The following METTL15 variants were observed in gnomAD, a reference collection of about 807,000 sequenced individuals.
METTL15 encodes 12S rRNA N(4)-cytidine methyltransferase METTL15.
Under a neutral mutation model 38.3 loss-of-function variants are expected in METTL15, and 34 were observed. That is an observed-to-expected ratio of 0.89 (90% CI 0.68 to 1.18). The LOEUF is 1.18. METTL15 is among the 50% of genes most tolerant of loss of function. METTL15 has a pLI of 0.00. For missense variants in METTL15, 438 were observed against 498.4 expected, an observed-to-expected ratio of 0.88 and a Z score of 1.15; for synonymous variants, 162 against 170.9, an observed-to-expected ratio of 0.95 and a Z score of 0.41.
chr11:28,362,300 T>C (rs867666177), intron 5 of METTL15, among the ~76,000 whole-genome samples: 6 of 152,198 alleles, frequency 3.9e-5, no homozygotes, highest in Non-Finnish European at 8.8e-5. Context: ...TGGGTATCAG[T>C]GAAACATTAA....
intron 3 of METTL15, among the ~76,000 whole-genome samples, chr11:28,194,213 T>C (rs1224647735): frequency 1.5e-4 from 12 of 80,790 alleles, no homozygotes; most frequent in Admixed American, 3.0e-4. Context: ...CTCTCTCTCT[T>C]AATATATGGA....
At chr11:28,454,735 CCTT>C (rs1851153389) in intron 6 of METTL15, among the ~76,000 whole-genome samples, 1 of 152,144 alleles carries the variant, frequency 6.6e-6, no homozygotes, top group African/African-American at 2.4e-5. Context: ...TATATTCTTT[CCTT>C]CTTCTTAAAT....
At chr11:28,440,534 G>A (rs560416659) in intron 6 of METTL15, among the ~76,000 whole-genome samples, 1 of 152,246 alleles carries the variant, frequency 6.6e-6, no homozygotes, top group African/African-American at 2.4e-5. Context: ...CCTAATTGCT[G>A]CATGATTTGA....
intron 6 of METTL15, among the ~76,000 whole-genome samples, chr11:28,443,551 A>G (rs779007523): frequency 1.3e-5 from 2 of 152,100 alleles, no homozygotes; most frequent in Admixed American, 6.5e-5. Context: ...TTCTCACATG[A>G]ATGTCTAACC....
intron 3 of METTL15, among the ~76,000 whole-genome samples, chr11:28,184,882 C>T (rs1389811538): frequency 6.6e-6 from 1 of 151,344 alleles, no homozygotes; most frequent in Admixed American, 6.6e-5. Context: ...AAGCTATTTG[C>T]TATTGCATGT....
intron 3 of METTL15, among the ~76,000 whole-genome samples, chr11:28,188,003 C>T (rs2133796695): frequency 6.6e-6 from 1 of 151,378 alleles, no homozygotes; most frequent in East Asian, 1.9e-4. Flanking sequence ...ACATGTTTCA[C>T]CACTAGCCAT....
At chr11:28,130,140 A>G (rs1209120841) in intron 3 of METTL15, among the ~76,000 whole-genome samples, 1 of 152,034 alleles carries the variant, frequency 6.6e-6, no homozygotes, top group Non-Finnish European at 1.5e-5. Flanking sequence ...TGAGACCCCC[A>G]TCTCTACAAA....
At chr11:28,454,224 G>T (rs1028298488) in intron 6 of METTL15, among the ~76,000 whole-genome samples, 4 of 152,202 alleles carry the variant, frequency 2.6e-5, no homozygotes, top group African/African-American at 7.2e-5. Context: ...AGCTTTACTG[G>T]TATTATGGTG....
intron 6 of METTL15, among the ~76,000 whole-genome samples, chr11:28,515,910 C>G (rs1349245410): frequency 6.6e-5 from 10 of 152,204 alleles, no homozygotes; most frequent in Non-Finnish European, 1.5e-5. Context: ...AGCCTCTTCT[C>G]AGAAATATCT....
downstream of METTL15, among the ~76,000 whole-genome samples, chr11:28,528,079 A>G (rs1319572263): frequency 6.6e-6 from 1 of 152,190 alleles, no homozygotes; most frequent in South Asian, 2.1e-4. Context: ...CCTATTTCCC[A>G]TTCTCTGCCT....
intron 6 of METTL15, among the ~76,000 whole-genome samples, chr11:28,457,886 T>C (rs1362464243): frequency 6.6e-6 from 1 of 152,198 alleles, no homozygotes. Context: ...TACTTAGACC[T>C]AATATCATTT....
intron 4 of METTL15, among the ~76,000 whole-genome samples, chr11:28,256,990 T>C (rs1854997763): frequency 6.6e-6 from 1 of 152,282 alleles, no homozygotes; most frequent in African/African-American, 2.4e-5. Context: ...GTACTTTGCA[T>C]GTATTTGTAT....
intron 4 of METTL15, among the ~76,000 whole-genome samples, chr11:28,224,141 C>T (rs981329607): frequency 6.6e-6 from 1 of 151,728 alleles, no homozygotes; most frequent in Admixed American, 6.6e-5. Flanking sequence ...TTTAGGTAAT[C>T]GGGGTTAGTG....
At chr11:28,338,883 G>A (rs913101633) in intron 3 of METTL15, among the ~76,000 whole-genome samples, 3 of 152,064 alleles carry the variant, frequency 2.0e-5, no homozygotes, top group Admixed American at 6.6e-5. Flanking sequence ...AGAAATCTAG[G>A]TGAAAGCATC....
chr11:28,187,059 A>G (rs1431380601), intron 3 of METTL15, among the ~76,000 whole-genome samples: 4 of 151,252 alleles, frequency 2.6e-5, no homozygotes, highest in African/African-American at 9.7e-5. Context: ...ATAACCTTAA[A>G]CAAATCTTTC....
chr11:28,293,215 C>T (rs1856591392), intron 5 of METTL15, among the ~76,000 whole-genome samples: 1 of 152,142 alleles, frequency 6.6e-6, no homozygotes, highest in African/African-American at 2.4e-5. Flanking sequence ...TTTAATCCAT[C>T]TTGAATTAAT....
chr11:28,388,034 TA>T, intron 5 of METTL15, among the ~76,000 whole-genome samples: 1 of 125,486 alleles, frequency 8.0e-6, no homozygotes, highest in South Asian at 2.4e-4. Flanking sequence ...AAACTAGAAA[TA>T]GGAATAAATT....
chr11:28,487,003 G>GA (rs958614822), intron 6 of METTL15, among the ~76,000 whole-genome samples: 39 of 150,120 alleles, frequency 2.6e-4, no homozygotes, highest in Non-Finnish European at 4.9e-4. Flanking sequence ...TGCAAATTAA[G>GA]AAAAAAAAAT....
chr11:28,375,800 A>G (rs1298522053), intron 5 of METTL15, among the ~76,000 whole-genome samples: 1 of 151,534 alleles, frequency 6.6e-6, no homozygotes, highest in Non-Finnish European at 1.5e-5. Context: ...TCTTGTGGGT[A>G]TTTAGTGCTA....
Sources: allele counts gnomAD v4.1 joint callset (sites outside exome capture counted in the v4.1 genomes callset), GRCh38; gene constraint gnomAD v4.1.1; transcripts MANE v1.5; gene names NCBI Gene and HGNC (gene_info 2026-07-23, HGNC 2026-07-21).